The following PPP3CB variants were observed in gnomAD, a reference collection of about 807,000 sequenced individuals.
The protein encoded by PPP3CB is serine/threonine-protein phosphatase 2B catalytic subunit beta isoform.
PPP3CB carries 8 observed loss-of-function variants against 66.4 expected under a neutral mutation model. The ratio of observed to expected loss-of-function variants is 0.12; its 90% confidence interval spans 0.07 to 0.22. PPP3CB has a LOEUF of 0.22. PPP3CB is among the 10% of genes least tolerant of loss of function. The pLI is 1.00. For missense variants in PPP3CB, 319 were observed against 642.5 expected (o/e 0.50, Z 5.44); for synonymous variants, 208 against 221.2 (o/e 0.94, Z 0.53).
chr10:73,456,564 A>G (rs764563723), intron 9 of PPP3CB, among the ~76,000 whole-genome samples: 3 of 152,232 alleles, frequency 2.0e-5, no homozygotes, highest in Non-Finnish European at 4.4e-5. Flanking sequence ...CAAGGGTGCC[A>G]AAACAATTCA....
Position 73,495,963 on chromosome 10 carries a change from C to T in PPP3CB, c.-74G>A. Reference sequence around the variant, plus strand: ...GGGGGCGGCGGCTACCAGAGCCAAGCGGCGGCGCCGCCGGGGAACATGGCG... The same window carrying T: ...GGGGGCGGCGGCTACCAGAGCCAAGTGGCGGCGCCGCCGGGGAACATGGCG... On this transcript the variant is annotated 5_prime_UTR_variant, in exon 1 of 14. Transcript: ENST00000360663. 2 of 886,370 alleles carry T rather than the reference C, an allele frequency of 2.3e-6. No individual in the cohort carries two copies. The highest frequency in any genetic ancestry group is 2.8e-6 in the Non-Finnish European group (2 of 704,340). The allele number at this position is 886,370 out of a possible 1,614,324, so 54.9% of individuals were successfully genotyped here.
chr10:73,488,446 C>G (rs535486627), intron 1 of PPP3CB, among the ~76,000 whole-genome samples: 1 of 150,462 alleles, frequency 6.6e-6, no homozygotes, highest in South Asian at 2.1e-4. Context: ...ACTTGGGAGG[C>G]TGAGTTGGGG....
At chr10:73,439,501 T>C (rs1174526447) in intron 13 of PPP3CB, among the ~76,000 whole-genome samples, 6 of 152,166 alleles carry the variant, frequency 3.9e-5, no homozygotes, top group South Asian at 2.1e-4. Context: ...CTGAGTAGCA[T>C]AGAATCATGC....
At chr10:73,458,644 T>G (rs528723767) in intron 9 of PPP3CB, among the ~76,000 whole-genome samples, 73 of 151,046 alleles carry the variant, frequency 4.8e-4, no homozygotes, top group African/African-American at 1.7e-3. Context: ...TATTAAAATA[T>G]ACATGTATTT....
At chr10:73,446,322 A>C (rs1341866612) in intron 11 of PPP3CB, among the ~76,000 whole-genome samples, 170 bp downstream of exon 11, 4 of 150,440 alleles carry the variant, frequency 2.7e-5, no homozygotes, top group Non-Finnish European at 5.9e-5. Flanking sequence ...CTGGTTTCAA[A>C]CTCCTGACCT....
intron 1 of PPP3CB, among the ~76,000 whole-genome samples, chr10:73,485,782 C>T (rs556823561): frequency 6.6e-5 from 10 of 152,122 alleles, no homozygotes; most frequent in African/African-American, 1.9e-4. Context: ...GCATCGTCGC[C>T]GGGGCTGGAA....
In PPP3CB at chr10:73,472,663, A is replaced by G. The variant is rs553099242; in HGVS notation, c.524-1050T>C. 2.0e-5 allele frequency among the ~76,000 whole-genome samples: 3 copies of G among 152,214 alleles called. No homozygotes were observed. The East Asian group carries it at 5.8e-4, about 29-fold the overall frequency. ...CTTTATTCTTATTACAGGCAAGATG[A>G]CTACATCATCACAACAAAATTCAAG... is the stretch of plus-strand genomic sequence containing the variant. On this transcript the variant is annotated intron_variant, in intron 4 of 13. Coordinates refer to ENST00000360663, the MANE Select transcript of PPP3CB (RefSeq NM_021132.4).
chr10:73,489,988 T>C (rs1446321386), intron 1 of PPP3CB, among the ~76,000 whole-genome samples: 3 of 152,186 alleles, frequency 2.0e-5, no homozygotes, highest in Non-Finnish European at 4.4e-5. Context: ...TAGCGCTTTG[T>C]ACCAAATTCA....
Position 73,471,382 on chromosome 10 carries a change from G to C in PPP3CB, c.669+86C>G, listed in dbSNP as rs1346260697. 100 of 1,418,842 alleles carry C rather than the reference G, an allele frequency of 7.0e-5. 1 individual carries two copies. The South Asian group carries it at 9.9e-4, about 14-fold the overall frequency. 87.9% of individuals were successfully genotyped at this position (1,418,842 alleles called of 1,614,324 possible). A position where few individuals can be genotyped will look rare whatever the true frequency, so the allele number is the denominator to read the frequency against. Reference sequence around the variant, plus strand: ...TAATTTTTACTATTACCTAATCTTGGCAGTGAAGTGAAGTTTGAAACTTCT... The same window carrying C: ...TAATTTTTACTATTACCTAATCTTGCCAGTGAAGTGAAGTTTGAAACTTCT... On this transcript the variant is annotated intron_variant, in intron 5 of 13. Transcript: ENST00000360663.
At chr10:73,491,605 T>C (rs2057079214) in intron 1 of PPP3CB, among the ~76,000 whole-genome samples, 1 of 152,216 alleles carries the variant, frequency 6.6e-6, no homozygotes, top group Non-Finnish European at 1.5e-5. Context: ...CTTTAAAATA[T>C]AATGAAATAG....
intron 4 of PPP3CB, among the ~76,000 whole-genome samples, chr10:73,472,026 CCTA>C (rs1359088883): frequency 6.6e-6 from 1 of 151,902 alleles, no homozygotes; most frequent in African/African-American, 2.4e-5. Flanking sequence ...AGCATCTTCC[CCTA>C]TAAGAATCAA....
intron 3 of PPP3CB, 34 bp from the exon 4 acceptor site, chr10:73,475,064 T>C (rs753311555): frequency 1.0e-5 from 16 of 1,600,712 alleles, no homozygotes; most frequent in African/African-American, 1.3e-5. Flanking sequence ...GAATTTATCT[T>C]GTACTTTTGT....
chr10:73,469,643 T>C (rs2132920314), intron 8 of PPP3CB, among the ~76,000 whole-genome samples: 1 of 152,354 alleles, frequency 6.6e-6, no homozygotes, highest in East Asian at 1.9e-4. Flanking sequence ...GCATATTCTG[T>C]ACCCAAGTTA....
intron 9 of PPP3CB, among the ~76,000 whole-genome samples, chr10:73,462,311 A>G (rs1321204177): frequency 2.0e-5 from 3 of 151,864 alleles, no homozygotes; most frequent in Non-Finnish European, 4.4e-5. Context: ...GGCATGTGCC[A>G]CTGTGCCTGG....
chr10:73,441,496 C>A (rs1043627351), intron 12 of PPP3CB, among the ~76,000 whole-genome samples: 1 of 152,078 alleles, frequency 6.6e-6, no homozygotes, highest in African/African-American at 2.4e-5. Context: ...CCCAGCTACT[C>A]GGGAAGCTGA....
At chr10:73,461,175 T>C (rs12267760) in intron 9 of PPP3CB, among the ~76,000 whole-genome samples, 23,021 of 152,184 alleles carry the variant, frequency 0.15, 2,843 homozygotes, top group African/African-American at 0.32. Context: ...ATGACTGGCG[T>C]GATGGCTCAC....
chr10:73,485,185 G>C (rs868469577), intron 1 of PPP3CB, among the ~76,000 whole-genome samples: 4 of 152,194 alleles, frequency 2.6e-5, no homozygotes, highest in African/African-American at 7.2e-5. Context: ...TTGACATGAA[G>C]GGCATCTCTA....
At chr10:73,471,338 C>A in intron 5 of PPP3CB, 129 bp from the exon 6 acceptor site, 1 of 1,352,944 alleles carries the variant, frequency 7.4e-7, no homozygotes, top group Non-Finnish European at 1.0e-6. Context: ...GAAGTTATTT[C>A]CTTAAGATAT....
intron 1 of PPP3CB, among the ~76,000 whole-genome samples, chr10:73,483,525 C>T (rs1276197966): frequency 3.3e-5 from 5 of 151,842 alleles, no homozygotes; most frequent in Admixed American, 6.6e-5. Context: ...GCATGGTGGC[C>T]GCATGCCTGT....
Sources: allele counts gnomAD v4.1 joint callset (sites outside exome capture counted in the v4.1 genomes callset), GRCh38; gene constraint gnomAD v4.1.1; transcripts MANE v1.5; gene names NCBI Gene and HGNC (gene_info 2026-07-23, HGNC 2026-07-21).